The following NUDCD2 variants were observed in gnomAD, a reference collection of about 807,000 sequenced individuals.
NUDCD2 encodes nudC domain-containing protein 2.
NUDCD2 carries 16 observed loss-of-function variants against 20.8 expected under a neutral mutation model. The observed-to-expected ratio is 0.77, with a 90% CI of 0.52 to 1.17. NUDCD2 has a LOEUF of 1.17. NUDCD2 is among the 50% of genes most tolerant of loss of function. The probability of loss-of-function intolerance (pLI) is 0.00; values close to 1 mark genes in which losing one functional copy is unlikely to be tolerated. For missense variants in NUDCD2, 199 were observed against 193.9 expected, an observed-to-expected ratio of 1.03 and a Z score of -0.16; for synonymous variants, 87 against 72.8, an observed-to-expected ratio of 1.20 and a Z score of -1.00.
rs1401363091 is a variant in NUDCD2, at chr5:163,446,700, TC to T, written c.*7266del. ...GAAACCAAAAAACAGTAAACATGAG[TC>T]AAGATGAATTAAAAGATAAGCCAAT... On this transcript the variant is annotated 3_prime_UTR_variant, in exon 4 of 4. Transcript: ENST00000302764. The T allele has an allele frequency of 6.6e-6, 1 of 152,090 alleles. No individual in the cohort carries two copies. The highest frequency in any genetic ancestry group is 6.5e-5 in the Admixed American group (1 of 15,272). The allele number at this position is 152,090 out of a possible 1,614,324, so 9.4% of individuals were successfully genotyped here.
intron 1 of NUDCD2, 132 bp downstream of exon 1, chr5:163,459,730 C>T (rs2113437164): frequency 2.7e-6 from 2 of 730,424 alleles, no homozygotes; most frequent in Non-Finnish European, 2.2e-6. Flanking sequence ...AGACCCAAAC[C>T]TGGTCAGTGT....
intron 3 of NUDCD2, among the ~76,000 whole-genome samples, chr5:163,454,762 T>C (rs1388455720): frequency 6.6e-6 from 1 of 152,248 alleles, no homozygotes; most frequent in East Asian, 1.9e-4. Context: ...TTAGTCTTTT[T>C]GGTGGGCTAT....
chr5:163,450,580 TAGTATCAGAGAATAGCAA>T lies in NUDCD2; in HGVS notation c.*3369_*3386del, dbSNP rs1394562765. On this transcript the variant is annotated 3_prime_UTR_variant, in exon 4 of 4. Coordinates refer to ENST00000302764, the MANE Select transcript of NUDCD2 (RefSeq NM_145266.6). ...TAAGCACAAGAAAGAATGCTCAACA[TAGTATCAGAGAATAGCAA>T]ACCAAAACTAGATAGAGATCCCATT... 2 of 152,152 alleles carry T rather than the reference TAGTATCAGAGAATAGCAA, an allele frequency of 1.3e-5. No individual in the cohort carries two copies. Among genetic ancestry groups the T allele is most frequent in the Admixed American group, 6.5e-5 (1 of 15,274 alleles). The allele number at this position is 152,152 out of a possible 1,614,324, so 9.4% of individuals were successfully genotyped here.
Position 163,448,290 on chromosome 5 carries a change from A to C in NUDCD2, c.*5677T>G, listed in dbSNP as rs1581174906. 1 of 152,290 alleles carries C rather than the reference A, an allele frequency of 6.6e-6. No homozygotes were observed. The highest frequency in any genetic ancestry group is 2.4e-5 in the African/African-American group (1 of 41,590). 9.4% of individuals were successfully genotyped at this position (152,290 alleles called of 1,614,324 possible). A position where few individuals can be genotyped will look rare whatever the true frequency, so the allele number is the denominator to read the frequency against. Reference sequence around the variant, plus strand: ...ACTAATTTTTGAAAAGAGCAGTAAAATTGATAAACCTCTGGCAAAATTGAC... The same window carrying C: ...ACTAATTTTTGAAAAGAGCAGTAAACTTGATAAACCTCTGGCAAAATTGAC... On this transcript the variant is annotated 3_prime_UTR_variant, in exon 4 of 4. Transcript: ENST00000302764.
rs953788465 is a variant in NUDCD2, at chr5:163,459,919, C to G, written c.132G>C (p.Gln44His). 2 of 1,613,112 alleles carry G rather than the reference C, an allele frequency of 1.2e-6. No individual in the cohort carries two copies. Among genetic ancestry groups the G allele is most frequent in the Admixed American group, 3.3e-5 (2 of 59,980 alleles). Residue 44 changes from glutamine to histidine, a missense_variant, in exon 1 of 4, where the codon CAG (glutamine) becomes CAC (histidine). Gln to His is a conservative substitution (Grantham distance 24, BLOSUM62 0). Transcript: ENST00000302764. ...CCACATGCCGGCTCTGGAGGCCGCA[C>G]TGGATATCCTGGGCGCGCGTGCCTG... is the stretch of plus-strand genomic sequence containing the variant. The part of the protein sequence containing the change: ...VPPGTRAQDI[Q>H]CGLQSRHVAL...
In NUDCD2 at chr5:163,455,422, C is replaced by CT. The variant is rs922917662; in HGVS notation, c.391-1373dup. On this transcript the variant is annotated intron_variant, in intron 3 of 3. Transcript: ENST00000302764. ...CTGATCAGAAAGGGCCGAGAAATGACTTGCAGAGTTCTGAGAAGTGGCATG... is the reference window on the plus strand; with the variant it reads ...CTGATCAGAAAGGGCCGAGAAATGACTTTGCAGAGTTCTGAGAAGTGGCATG... 9.2e-5 allele frequency among the ~76,000 whole-genome samples: 14 copies of CT among 152,316 alleles called. No homozygotes were observed. The South Asian group carries it at 2.1e-3, about 23-fold the overall frequency.
rs1276144504 is a variant in NUDCD2 at position 163,457,611 on chromosome 5, C to A, written c.190-1G>T. Reference sequence around the variant, plus strand: ...CTATTGTAGAATCAAAGAGTTTGCCCTGAAAAATAAACATATAAGGTGCTA... The same window carrying A: ...CTATTGTAGAATCAAAGAGTTTGCCATGAAAAATAAACATATAAGGTGCTA... On this transcript the variant is annotated splice_acceptor_variant, in intron 1 of 3. Transcript: ENST00000302764. LOFTEE classifies it high-confidence loss of function. The A allele has an allele frequency of 6.3e-7, 1 of 1,580,766 alleles. No individual in the cohort carries two copies. Among genetic ancestry groups the A allele is most frequent in the African/African-American group, 1.3e-5 (1 of 74,340 alleles).
At position 163,455,111 on chromosome 5, in the gene NUDCD2, G is replaced by A. The variant is rs368916506; in HGVS notation, c.391-1061C>T. On this transcript the variant is annotated intron_variant, in intron 3 of 3. Transcript: ENST00000302764. ...GCCCAAGGGCTGTAGTTTGCCAACC[G>A]CTGATGTCGTGTTAAAAGTTGGTAA... 1.4e-3 allele frequency among the ~76,000 whole-genome samples: 209 copies of A among 151,440 alleles called. 2 individuals are homozygous for A. The highest frequency in any genetic ancestry group is 6.8e-3 in the Middle Eastern group (2 of 292).
chr5:163,458,351 CTT>C (rs559606442), intron 1 of NUDCD2, among the ~76,000 whole-genome samples: 16 of 152,152 alleles, frequency 1.1e-4, no homozygotes, highest in African/African-American at 3.6e-4. Flanking sequence ...ATTAAAAAAA[CTT>C]TACGTATTCC....
In NUDCD2 at chr5:163,449,181, G is replaced by C. The variant is rs1021417515; in HGVS notation, c.*4786C>G. 6 of 150,520 alleles carry C rather than the reference G, an allele frequency of 4.0e-5. No individual in the cohort carries two copies. The highest frequency in any genetic ancestry group is 1.5e-4 in the African/African-American group (6 of 41,008). The allele number at this position is 150,520 out of a possible 1,614,324, so 9.3% of individuals were successfully genotyped here. On this transcript the variant is annotated 3_prime_UTR_variant, in exon 4 of 4. Coordinates refer to ENST00000302764, the MANE Select transcript of NUDCD2 (RefSeq NM_145266.6). ...CTTAATGAGTTAACAACAAAATCAG[G>C]CAAGAAAAATCATAGACTAAAAAGA...
At chr5:163,459,571 G>A (rs1231817588) in intron 1 of NUDCD2, 2 of 217,022 alleles carry the variant, frequency 9.2e-6, no homozygotes, top group Non-Finnish European at 1.8e-5. Flanking sequence ...AGAAATATTT[G>A]TTCCTTTAGC....
rs1486849824 is a variant in NUDCD2 at position 163,448,196 on chromosome 5, A to G, written c.*5771T>C. ...CAAACTAAACCTAAAGCAAGCAGAA[A>G]GAAGAAAAAAAAAAAAGAGGCAGAA... On this transcript the variant is annotated 3_prime_UTR_variant, in exon 4 of 4. Coordinates refer to ENST00000302764, the MANE Select transcript of NUDCD2 (RefSeq NM_145266.6). The G allele has an allele frequency of 8.0e-6, 1 of 125,172 alleles. No homozygotes were observed. The highest frequency in any genetic ancestry group is 1.6e-5 in the Non-Finnish European group (1 of 61,776). The allele number at this position is 125,172 out of a possible 1,614,324, so 7.8% of individuals were successfully genotyped here.
At chr5:163,459,743 T>TA in intron 1 of NUDCD2, 119 bp downstream of exon 1, 3 of 854,536 alleles carry the variant, frequency 3.5e-6, no homozygotes, top group Non-Finnish European at 5.4e-6. Flanking sequence ...GTCAGTGTTA[T>TA]CCTCTTTCTC....
intron 3 of NUDCD2, among the ~76,000 whole-genome samples, chr5:163,454,608 T>A (rs530208374): frequency 3.9e-5 from 6 of 152,376 alleles, no homozygotes; most frequent in African/African-American, 1.4e-4. Context: ...CCCAAAGTGC[T>A]GGGATTACAG....
chr5:163,457,333 T>C (rs937103381), intron 2 of NUDCD2, among the ~76,000 whole-genome samples: 2 of 152,184 alleles, frequency 1.3e-5, no homozygotes, highest in Admixed American at 6.5e-5. Flanking sequence ...GGTTTTGCCA[T>C]GTTGGCCAGG....
At chr5:163,458,613 G>A (rs1013875688) in intron 1 of NUDCD2, among the ~76,000 whole-genome samples, 9 of 152,010 alleles carry the variant, frequency 5.9e-5, no homozygotes, top group East Asian at 1.9e-4. Flanking sequence ...TTTTTAAAGA[G>A]AGAATGCCTA....
intron 3 of NUDCD2, among the ~76,000 whole-genome samples, chr5:163,456,514 G>T (rs377677656): frequency 1.3e-5 from 2 of 152,092 alleles, no homozygotes; most frequent in Non-Finnish European, 2.9e-5. Context: ...CACACAGTGT[G>T]ATCCTCCATT....
Position 163,449,440 on chromosome 5 carries a change from A to G in NUDCD2, c.*4527T>C, listed in dbSNP as rs1758121299. ...AACACTGTGGAATATATGCTGAAAA[A>G]TGACATAAAATGCTGATAACTGAAA... On this transcript the variant is annotated 3_prime_UTR_variant, in exon 4 of 4. Coordinates refer to ENST00000302764, the MANE Select transcript of NUDCD2 (RefSeq NM_145266.6). 6.6e-6 allele frequency: 1 copy of G among 152,246 alleles called. No homozygotes were observed. Among genetic ancestry groups the G allele is most frequent in the Admixed American group, 6.5e-5 (1 of 15,286 alleles). The allele number at this position is 152,246 out of a possible 1,614,324, so 9.4% of individuals were successfully genotyped here.
In NUDCD2 at chr5:163,459,849, G is replaced by A. The variant is rs1434840149; in HGVS notation, c.189+13C>T. The A allele has an allele frequency of 6.3e-7, 1 of 1,588,212 alleles. No homozygotes were observed. The highest frequency in any genetic ancestry group is 8.6e-7 in the Non-Finnish European group (1 of 1,167,862). The stretch of plus-strand genomic sequence containing the variant: ...GAAGAGGAAACTGAACACAAGCCCC[G>A]AGCTGCCGCTACCTTGAGGATCTCG... On this transcript the variant is annotated intron_variant, in intron 1 of 3. Transcript: ENST00000302764.
Sources: gnomAD v4.1 joint callset for allele counts (sites outside exome capture counted in the v4.1 genomes callset) on GRCh38, gnomAD v4.1.1 for gene constraint, MANE v1.5 for transcripts, NCBI Gene and HGNC (gene_info 2026-07-23, HGNC 2026-07-21) for gene names.